UGT1A7: variants seen among roughly 807,000 people sequenced by gnomAD.
UGT1A7 encodes the protein UDP-glucuronosyltransferase 1A7.
Under a neutral mutation model 45.6 loss-of-function variants are expected in UGT1A7, and 33 were observed. The observed-to-expected ratio is 0.72, with a 90% CI of 0.55 to 0.97. The LOEUF (loss-of-function observed/expected upper bound fraction) is 0.97. UGT1A7 is among the 50% of genes least tolerant of loss of function. UGT1A7 has a pLI of 0.00. For synonymous variants in UGT1A7, 274 were observed against 250.6 expected, an observed-to-expected ratio of 1.09 and a Z score of -0.88; for missense variants, 684 against 666.2, an observed-to-expected ratio of 1.03 and a Z score of -0.29.
rs1338074257 is a variant in UGT1A7 at position 233,772,677 on chromosome 2, A to G, written c.*118A>G. On this transcript the variant is annotated 3_prime_UTR_variant, in exon 5 of 5. Transcript: ENST00000373426. ...ATTAAGGAAATACTTTGCATAAATTAATCAGCCCCAGAGTGCTTTAAAAAA... is the reference window on the plus strand; with the variant it reads ...ATTAAGGAAATACTTTGCATAAATTGATCAGCCCCAGAGTGCTTTAAAAAA... 14 of 1,531,978 alleles carry G rather than the reference A, an allele frequency of 9.1e-6. No homozygotes were observed. The highest frequency in any genetic ancestry group is 1.1e-5 in the Non-Finnish European group (13 of 1,142,190). 94.9% of individuals were successfully genotyped at this position (1,531,978 alleles called of 1,614,324 possible).
chr2:233,757,549 T>TATATATATATATATATATATATAC (rs1696618435), intron 1 of UGT1A7, among the ~76,000 whole-genome samples: 1 of 133,970 alleles, frequency 7.5e-6, no homozygotes, highest in East Asian at 2.0e-4. Flanking sequence ...TATATATATA[T>TATATATATATATATATATATATAC]ATATATATAT....
At chr2:233,719,992 A>G (rs1452889114) in intron 1 of UGT1A7, among the ~76,000 whole-genome samples, 2 of 152,184 alleles carry the variant, frequency 1.3e-5, no homozygotes, top group African/African-American at 4.8e-5. Flanking sequence ...GATCAGGGAC[A>G]CTACATTCAG....
intron 4 of UGT1A7, chr2:233,771,560 G>A (rs1700329109): frequency 6.6e-6 from 1 of 152,164 alleles, no homozygotes; most frequent in South Asian, 2.1e-4. Flanking sequence ...TGTTAATTTG[G>A]CCAGAGGTGG....
rs552495015 is a variant in UGT1A7 at position 233,755,020 on chromosome 2, T to C, written c.856-12014T>C. On this transcript the variant is annotated intron_variant, in intron 1 of 4. Transcript: ENST00000373426. Reference sequence around the variant, plus strand: ...CTGAAGACCTACTCGAAGGGGTCCTTGAAGGGCCTGCCGCCTGCGCAGCCG... The same window carrying C: ...CTGAAGACCTACTCGAAGGGGTCCTCGAAGGGCCTGCCGCCTGCGCAGCCG... 4.2e-4 allele frequency: 552 copies of C among 1,304,914 alleles called. 2 individuals carry two copies. In the African/African-American group the frequency reaches 6.3e-3, roughly 15 times the overall value. 80.8% of individuals were successfully genotyped at this position (1,304,914 alleles called of 1,614,324 possible). A position where few individuals can be genotyped will look rare whatever the true frequency, so the allele number is the denominator to read the frequency against.
chr2:233,762,986 G>A (rs1271717565), intron 1 of UGT1A7, among the ~76,000 whole-genome samples: 1 of 152,018 alleles, frequency 6.6e-6, no homozygotes, highest in Non-Finnish European at 1.5e-5. Context: ...CTATTTTAGT[G>A]GAAATTGATT....
chr2:233,753,819 A>AG (rs1295760260), intron 1 of UGT1A7, among the ~76,000 whole-genome samples: 1 of 152,236 alleles, frequency 6.6e-6, no homozygotes, highest in African/African-American at 2.4e-5. Context: ...GAACCACGTT[A>AG]GGGCTGAAGA....
chr2:233,769,915 T>C lies in UGT1A7; in HGVS notation c.1295+1476T>C, dbSNP rs906114329. 1 of 293,246 alleles carries C rather than the reference T, an allele frequency of 3.4e-6. No individual in the cohort carries two copies. The allele number at this position is 293,246 out of a possible 1,614,324, so 18.2% of individuals were successfully genotyped here. Reference sequence around the variant, plus strand: ...ACCTGAGCATCATGTGCCCAGAGCGTTGGGTGGTGTGGTCCCATTCCTTCC... The same window carrying C: ...ACCTGAGCATCATGTGCCCAGAGCGCTGGGTGGTGTGGTCCCATTCCTTCC... On this transcript the variant is annotated intron_variant, in intron 4 of 4. Transcript: ENST00000373426. The surrounding 1 kb of genome is among the most constrained non-coding windows in gnomAD (Gnocchi z 4.4).
chr2:233,771,657 A>G (rs1277760780), intron 4 of UGT1A7: 1 of 152,474 alleles, frequency 6.6e-6, no homozygotes, highest in Non-Finnish European at 1.5e-5. Flanking sequence ...AATATAATGA[A>G]ATTTCTCACA....
chr2:233,743,427 G>A, intron 1 of UGT1A7: 2 of 1,349,658 alleles, frequency 1.5e-6, no homozygotes, highest in South Asian at 2.3e-5. Context: ...GGGAGCCAAA[G>A]GAACGAAATC....
In UGT1A7 at chr2:233,684,030, G is replaced by T. The variant is rs144609680; in HGVS notation, c.855+1238G>T. Among the ~76,000 whole-genome samples the T allele has an allele frequency of 7.9e-5, 12 of 152,296 alleles. No individual in the cohort carries two copies. In the East Asian group the frequency reaches 2.3e-3, roughly 29 times the overall value. The stretch of plus-strand genomic sequence containing the variant: ...TAAGATTCTTGGCAAATGCATAGTT[G>T]CTAAATCCAGGTGAAACACCTGGTG... On this transcript the variant is annotated intron_variant, in intron 1 of 4. Coordinates refer to ENST00000373426, the MANE Select transcript of UGT1A7 (RefSeq NM_019077.3).
intron 1 of UGT1A7, among the ~76,000 whole-genome samples, chr2:233,724,281 C>G (rs1325936815): frequency 2.7e-5 from 3 of 112,012 alleles, no homozygotes; most frequent in Admixed American, 8.5e-5. Flanking sequence ...GCTGGCCGGG[C>G]GGGGGGCTGA....
intron 1 of UGT1A7, among the ~76,000 whole-genome samples, chr2:233,700,067 T>C (rs1334883521): frequency 6.6e-6 from 1 of 152,186 alleles, no homozygotes; most frequent in Non-Finnish European, 1.5e-5. Flanking sequence ...CAGTGGTGTC[T>C]ACCCAGCAAG....
chr2:233,682,366 T>C lies in UGT1A7; in HGVS notation c.429T>C (p.Asp143=), dbSNP rs183302274. 2.2e-4 allele frequency: 357 copies of C among 1,614,102 alleles called. No homozygotes were observed. The highest frequency in any genetic ancestry group is 6.5e-4 in the Admixed American group (39 of 60,016). The change falls in exon 1 of 5, where the codon GAT becomes GAC. Residue 143 remains aspartate, a synonymous_variant. Transcript: ENST00000373426. The stretch of plus-strand genomic sequence containing the variant: ...AATACTTAAAGGAGAGTTGTTTTGA[T>C]GCAGTGTTTCTCGATCCTTTTGATG... ...LVEYLKESCF[D]AVFLDPFDAC... is the part of the protein sequence containing the mutation.
chr2:233,690,799 AC>A, intron 1 of UGT1A7: 1 of 1,084,250 alleles, frequency 9.2e-7, no homozygotes, highest in Non-Finnish European at 1.1e-6. Context: ...ACACACACAC[AC>A]CATTCTTAGT....
chr2:233,731,513 C>A (rs972587345), intron 1 of UGT1A7, among the ~76,000 whole-genome samples: 1 of 152,148 alleles, frequency 6.6e-6, no homozygotes, highest in Non-Finnish European at 1.5e-5. Flanking sequence ...CAGTTCCCAC[C>A]TATGAGTGAG....
At chr2:233,734,881 G>T (rs1413647330) in intron 1 of UGT1A7, among the ~76,000 whole-genome samples, 2 of 152,202 alleles carry the variant, frequency 1.3e-5, no homozygotes, top group Non-Finnish European at 2.9e-5. Flanking sequence ...CTGAGAGACA[G>T]TTTGTTGTGA....
intron 1 of UGT1A7, among the ~76,000 whole-genome samples, chr2:233,705,671 A>G (rs1206760677): frequency 6.6e-6 from 1 of 152,224 alleles, no homozygotes; most frequent in African/African-American, 2.4e-5. Context: ...TAGTTGTGAG[A>G]TAATATTCAC....
intron 1 of UGT1A7, among the ~76,000 whole-genome samples, chr2:233,707,341 G>A (rs2075956396): frequency 6.6e-6 from 1 of 152,038 alleles, no homozygotes; most frequent in Non-Finnish European, 1.5e-5. Flanking sequence ...GTGGTTTGCT[G>A]CCCAGATCAA....
chr2:233,689,970 C>T, intron 1 of UGT1A7: 2 of 455,400 alleles, frequency 4.4e-6, no homozygotes, highest in South Asian at 1.6e-5. Context: ...TTGGAGGAAC[C>T]CACAGGCCCC....
Sources: gnomAD v4.1 joint callset for allele counts (sites outside exome capture counted in the v4.1 genomes callset) on GRCh38, gnomAD v4.1.1 for gene constraint, Gnocchi (gnomAD v3.1) non-coding constraint, MANE v1.5 for transcripts, NCBI Gene and HGNC (gene_info 2026-07-23, HGNC 2026-07-21) for gene names.